Variants in MTUS2 observed in about 807,000 individuals in gnomAD.
MTUS2 encodes microtubule-associated tumor suppressor candidate 2.
Under a neutral mutation model 114.1 loss-of-function variants are expected in MTUS2, and 40 were observed. The observed-to-expected ratio is 0.35, with a 90% CI of 0.27 to 0.46. MTUS2 has a LOEUF of 0.46. MTUS2 is among the 20% of genes least tolerant of loss of function. MTUS2 has a pLI of 1.00. For missense variants in MTUS2, 1,679 were observed against 1,705.4 expected (o/e 0.98, Z 0.27); for synonymous variants, 688 against 672.0 (o/e 1.02, Z -0.37).
intron 2 of MTUS2, among the ~76,000 whole-genome samples, chr13:28,965,805 T>C (rs1360183311): frequency 6.6e-6 from 1 of 152,178 alleles, no homozygotes; most frequent in Admixed American, 6.5e-5. Context: ...CCTCAATCTT[T>C]TTCTCTGAAG....
intron 2 of MTUS2, among the ~76,000 whole-genome samples, chr13:28,864,390 A>G (rs1877174464): frequency 6.6e-6 from 1 of 152,202 alleles, no homozygotes; most frequent in East Asian, 1.9e-4. Context: ...ATGTTAGGCC[A>G]TAGTGTGGGA....
At chr13:28,970,287 A>C (rs1883793701) in intron 2 of MTUS2, among the ~76,000 whole-genome samples, 1 of 152,228 alleles carries the variant, frequency 6.6e-6, no homozygotes, top group African/African-American at 2.4e-5. Context: ...GTAGAATAAT[A>C]TAAATTTTTT....
chr13:28,986,617 C>G (rs1477535343), intron 2 of MTUS2, among the ~76,000 whole-genome samples: 1 of 152,164 alleles, frequency 6.6e-6, no homozygotes, highest in African/African-American at 2.4e-5. Flanking sequence ...CACCAGGCAT[C>G]AAGTTTGGCT....
At chr13:29,231,584 G>A (rs1302997703) in intron 5 of MTUS2, among the ~76,000 whole-genome samples, 2 of 152,154 alleles carry the variant, frequency 1.3e-5, no homozygotes, top group Admixed American at 6.5e-5. Context: ...GTGTGTTCAG[G>A]ATACACGATT....
At chr13:28,880,652 A>G (rs528548997) in intron 2 of MTUS2, among the ~76,000 whole-genome samples, 1 of 152,368 alleles carries the variant, frequency 6.6e-6, no homozygotes, top group South Asian at 2.1e-4. Flanking sequence ...CACTAGTCAC[A>G]CTACTCAGCT....
At chr13:29,238,451 G>T (rs1896615670) in intron 5 of MTUS2, among the ~76,000 whole-genome samples, 2 of 152,210 alleles carry the variant, frequency 1.3e-5, no homozygotes, top group Non-Finnish European at 2.9e-5. Flanking sequence ...GCAGCCTTCA[G>T]TCTGCGGCCA....
chr13:28,896,889 A>G (rs532045685), intron 2 of MTUS2, among the ~76,000 whole-genome samples: 80 of 152,338 alleles, frequency 5.3e-4, no homozygotes, highest in Non-Finnish European at 9.4e-4. Context: ...TACACCTTAT[A>G]CAAAAATTAA....
chr13:29,041,327 C>T (rs1224645982), intron 4 of MTUS2, among the ~76,000 whole-genome samples: 1 of 152,138 alleles, frequency 6.6e-6, no homozygotes, highest in Non-Finnish European at 1.5e-5. Context: ...CATACCAGCA[C>T]CATACTGTTT....
chr13:29,157,793 TAG>T (rs1325671204), intron 5 of MTUS2, among the ~76,000 whole-genome samples: 1 of 151,482 alleles, frequency 6.6e-6, no homozygotes, highest in Non-Finnish European at 1.5e-5. Flanking sequence ...TATATATAGA[TAG>T]ATAGATATAG....
chr13:29,439,829 T>C (rs1650804926), intron 8 of MTUS2, among the ~76,000 whole-genome samples, 154 bp from the exon 9 acceptor site: 1 of 152,220 alleles, frequency 6.6e-6, no homozygotes, highest in Non-Finnish European at 1.5e-5. Flanking sequence ...GACTTGACTT[T>C]GTAAGTTTTT....
At chr13:29,388,665 A>T (rs1487520258) in intron 8 of MTUS2, among the ~76,000 whole-genome samples, 1 of 151,798 alleles carries the variant, frequency 6.6e-6, no homozygotes, top group African/African-American at 2.4e-5. Context: ...GTCACCTTTT[A>T]AAAATAAAAT....
intron 10 of MTUS2, chr13:29,485,413 A>G (rs1881535409): frequency 6.6e-6 from 1 of 152,444 alleles, no homozygotes; most frequent in South Asian, 2.1e-4. Context: ...TTGAGATAAC[A>G]TTTTTTAAAA....
At chr13:29,418,037 A>G (rs780317498) in intron 8 of MTUS2, among the ~76,000 whole-genome samples, 1 of 152,106 alleles carries the variant, frequency 6.6e-6, no homozygotes, top group Non-Finnish European at 1.5e-5. Flanking sequence ...TGTCTTGCCT[A>G]CATTTCCTGA....
chr13:29,132,818 G>T (rs565445340), intron 5 of MTUS2, among the ~76,000 whole-genome samples: 1 of 152,128 alleles, frequency 6.6e-6, no homozygotes, highest in Non-Finnish European at 1.5e-5. Flanking sequence ...GAACCTGGGG[G>T]TACAAATATA....
At chr13:29,179,941 A>G (rs551172853) in intron 5 of MTUS2, among the ~76,000 whole-genome samples, 34 of 152,360 alleles carry the variant, frequency 2.2e-4, no homozygotes, top group African/African-American at 7.5e-4. Flanking sequence ...TTAGGCACCA[A>G]TTCTGTGTAC....
At chr13:28,942,185 A>G (rs1882275488) in intron 2 of MTUS2, among the ~76,000 whole-genome samples, 1 of 152,180 alleles carries the variant, frequency 6.6e-6, no homozygotes, top group South Asian at 2.1e-4. Flanking sequence ...AAGAGTTGAC[A>G]TGCACTTCAC....
chr13:28,849,872 C>T (rs1876134953), intron 2 of MTUS2, among the ~76,000 whole-genome samples: 1 of 152,064 alleles, frequency 6.6e-6, no homozygotes, highest in African/African-American at 2.4e-5. Context: ...CTGTATGAAA[C>T]CCTTCCCAAG....
At chr13:29,484,522 C>T (rs550306448) in intron 10 of MTUS2, among the ~76,000 whole-genome samples, 13 of 152,210 alleles carry the variant, frequency 8.5e-5, no homozygotes, top group Admixed American at 2.0e-4. Flanking sequence ...GGCACAGCCC[C>T]GCATGGGATG....
chr13:29,397,850 C>A (rs575421167), intron 8 of MTUS2, among the ~76,000 whole-genome samples: 1 of 152,302 alleles, frequency 6.6e-6, no homozygotes, highest in Non-Finnish European at 1.5e-5. Context: ...CTGACTCAAA[C>A]CAGTAATCCT....
Sources: allele counts gnomAD v4.1 joint callset (sites outside exome capture counted in the v4.1 genomes callset), GRCh38; gene constraint gnomAD v4.1.1; transcripts MANE v1.5; gene names NCBI Gene and HGNC (gene_info 2026-07-23, HGNC 2026-07-21).